The following GOLGA8H variants were observed in gnomAD, a reference collection of about 807,000 sequenced individuals.
GOLGA8H encodes golgin subfamily A member 8H.
In GOLGA8H, 47 loss-of-function variants were observed where a neutral mutation model predicts 82.7. The ratio of observed to expected loss-of-function variants is 0.57; its 90% CI spans 0.45 to 0.73. The LOEUF (loss-of-function observed/expected upper bound fraction) is 0.73, where lower values mean the gene tolerates loss of function less well. Ranked by LOEUF, GOLGA8H falls within the 30% of genes least tolerant of loss-of-function variation. The probability of loss-of-function intolerance (pLI) is 0.00; values close to 1 mark genes in which losing one functional copy is unlikely to be tolerated. For missense variants in GOLGA8H, 372 were observed against 661.0 expected, an observed-to-expected ratio of 0.56 and a Z score of 4.79; for synonymous variants, 108 against 241.6, an observed-to-expected ratio of 0.45 and a Z score of 5.13.
At chr15:30,605,708 G>T in intron 1 of GOLGA8H, 135 bp from the exon 2 acceptor site, 1 of 1,465,218 alleles carries the variant, frequency 6.8e-7, no homozygotes, top group Non-Finnish European at 9.1e-7. Flanking sequence ...CTAAATGAGT[G>T]TGACAACACC....
intron 2 of GOLGA8H, among the ~76,000 whole-genome samples, chr15:30,606,372 A>G (rs1375691274): frequency 6.7e-6 from 1 of 149,724 alleles, no homozygotes; most frequent in Non-Finnish European, 1.5e-5. Context: ...AAAAAAAGGA[A>G]TTCTGGATTT....
At chr15:30,609,759 A>G (rs1310966204) in intron 8 of GOLGA8H, 47 bp from the exon 9 acceptor site, 1 of 1,562,460 alleles carries the variant, frequency 6.4e-7, no homozygotes, top group African/African-American at 1.4e-5. Flanking sequence ...ACTGTGTGGA[A>G]ATGCCCAGGC....
chr15:30,608,975 T>C (rs1326191999), intron 8 of GOLGA8H, among the ~76,000 whole-genome samples: 1 of 117,640 alleles, frequency 8.5e-6, no homozygotes, highest in East Asian at 2.0e-4. Context: ...GACGCAGAGC[T>C]TGGAGGCCAA....
At chr15:30,607,753 G>A (rs1382305802) in intron 4 of GOLGA8H, 2 of 603,764 alleles carry the variant, frequency 3.3e-6, no homozygotes, top group Non-Finnish European at 5.8e-6. Flanking sequence ...GCCAGAAGGA[G>A]GGGCCTTTCT....
intron 8 of GOLGA8H, among the ~76,000 whole-genome samples, 172 bp downstream of exon 8, chr15:30,608,928 T>G (rs2059971155): frequency 7.7e-6 from 1 of 129,810 alleles, no homozygotes; most frequent in African/African-American, 3.0e-5. Context: ...TCAGCTGCTG[T>G]GGGTGAGTTG....
In GOLGA8H at chr15:30,614,982, G is replaced by A. The variant is rs2060087613; in HGVS notation, c.*421G>A. On this transcript the variant is annotated 3_prime_UTR_variant, in exon 19 of 19. Coordinates refer to ENST00000566740, the MANE Select transcript of GOLGA8H (RefSeq NM_001282490.2). ...AGACAAAATTTGCCTATGTTCTGCTGTTGTTTGATCTAATCTTAATCACAG... is the reference window on the plus strand; with the variant it reads ...AGACAAAATTTGCCTATGTTCTGCTATTGTTTGATCTAATCTTAATCACAG... Among the ~76,000 whole-genome samples, 3 of 151,902 alleles carry A rather than the reference G, an allele frequency of 2.0e-5. No homozygotes were observed. Among genetic ancestry groups the A allele is most frequent in the Admixed American group, 2.0e-4 (3 of 15,222 alleles).
chr15:30,608,678 A>G lies in GOLGA8H; in HGVS notation c.513A>G (p.Gln171=), dbSNP rs762037195. 5.3e-6 allele frequency: 8 copies of G among 1,517,210 alleles called. No homozygotes were observed. Among genetic ancestry groups the G allele is most frequent in the Non-Finnish European group, 6.3e-6 (7 of 1,108,888 alleles). 94.0% of individuals were successfully genotyped at this position (1,517,210 alleles called of 1,614,324 possible). A position where few individuals can be genotyped will look rare whatever the true frequency, so the allele number is the denominator to read the frequency against. The change falls in exon 8 of 19, where the codon CAA becomes CAG. Residue 171 remains glutamine, a synonymous_variant. Transcript: ENST00000566740. ...EKSKDLAVCL[Q]HSLQRKGELE... is the part of the protein sequence containing the mutation. The stretch of plus-strand genomic sequence containing the variant: ...CCAAGGATCTGGCTGTCTGCCTGCA[A>G]CATTCATTGCAGCGTAAAGGAGAGT...
chr15:30,606,221 G>A (rs1214909187), intron 2 of GOLGA8H, among the ~76,000 whole-genome samples: 1 of 151,436 alleles, frequency 6.6e-6, no homozygotes, highest in Non-Finnish European at 1.5e-5. Flanking sequence ...CAAGCGTGGT[G>A]GCGTGTGCCT....
Position 30,617,429 on chromosome 15 carries a change from TATTTTAA to T in GOLGA8H, c.*2870_*2876del, listed in dbSNP as rs1447581653. 1 of 150,882 alleles carries T rather than the reference TATTTTAA, an allele frequency of 6.6e-6. No individual in the cohort carries two copies. Among genetic ancestry groups the T allele is most frequent in the African/African-American group, 2.4e-5 (1 of 40,952 alleles). The allele number at this position is 150,882 out of a possible 1,614,324, so 9.3% of individuals were successfully genotyped here. A position where few individuals can be genotyped will look rare whatever the true frequency, so the allele number is the denominator to read the frequency against. On this transcript the variant is annotated 3_prime_UTR_variant, in exon 19 of 19. Transcript: ENST00000566740. ...CCATAATATAGTTTCTCTAAAACTT[TATTTTAA>T]AGAGTCATTTTAAAATAATATAACT...
rs989733924 is a variant in GOLGA8H, at chr15:30,609,829, T to C, written c.615T>C (p.Arg205=). The C allele has an allele frequency of 6.3e-6, 10 of 1,590,834 alleles. No individual in the cohort carries two copies. The highest frequency in any genetic ancestry group is 8.6e-6 in the Non-Finnish European group (10 of 1,165,206). Residue 205 remains arginine (R), a synonymous_variant, in exon 9 of 19, where the codon CGT becomes CGC. Coordinates refer to ENST00000566740, the MANE Select transcript of GOLGA8H (RefSeq NM_001282490.2). ...ANQLSSRSKA[R]TEWKLEQSMR... is the part of the protein sequence containing the mutation. ...AGTTGTCCAGCCGCAGCAAAGCACG[T>C]ACGGAGTGGAAGTTAGAGCAGTCCA...
chr15:30,610,040 G>A lies in GOLGA8H; in HGVS notation c.720G>A (p.Glu240=), dbSNP rs771572730. Residue 240 remains glutamate (E), a synonymous_variant, in exon 10 of 19, where the codon GAG becomes GAA. Transcript: ENST00000566740. ...AACAAGTCCAATTAGAAAGAGATGA[G>A]TGTGCTGAACATCTAAAAGGAGAGA... ...SFQQVQLERD[E]CAEHLKGERA... 2.4e-5 allele frequency: 38 copies of A among 1,611,612 alleles called. 3 individuals carry two copies. In the East Asian group the frequency reaches 8.0e-4, roughly 34 times the overall value.
rs2059998048 is a variant in GOLGA8H, at chr15:30,610,283, C to T, written c.787-19C>T. ...CCAGCCCCTCTCTCCAAGGCCCTTTCCCCTTGTGCTTTGGGCAGATTTGCA... is the reference window on the plus strand; with the variant it reads ...CCAGCCCCTCTCTCCAAGGCCCTTTTCCCTTGTGCTTTGGGCAGATTTGCA... On this transcript the variant is annotated intron_variant, in intron 10 of 18. Coordinates refer to ENST00000566740, the MANE Select transcript of GOLGA8H (RefSeq NM_001282490.2). The T allele has an allele frequency of 5.2e-6, 5 of 963,708 alleles. No individual in the cohort carries two copies. The highest frequency in any genetic ancestry group is 2.1e-5 in the Admixed American group (1 of 48,766). 59.7% of individuals were successfully genotyped at this position (963,708 alleles called of 1,614,324 possible).
Position 30,616,209 on chromosome 15 carries a change from G to C in GOLGA8H, c.*1648G>C, listed in dbSNP as rs2060104000. Among the ~76,000 whole-genome samples, 1 of 151,092 alleles carries C rather than the reference G, an allele frequency of 6.6e-6. No individual in the cohort carries two copies. Among genetic ancestry groups the C allele is most frequent in the Non-Finnish European group, 1.5e-5 (1 of 67,820 alleles). ...GACTCAACAGTTCAAACTTCATGAA[G>C]TTCTAATGTCTGTGTTCCAAAACAC... On this transcript the variant is annotated 3_prime_UTR_variant, in exon 19 of 19. Coordinates refer to ENST00000566740, the MANE Select transcript of GOLGA8H (RefSeq NM_001282490.2).
rs571583104 is a variant in GOLGA8H at position 30,611,521 on chromosome 15, G to C, written c.1200+175G>C. Reference sequence around the variant, plus strand: ...TGCTTCCTGCCTCTGACTTTTAAAGGTGGGTAGCCCTGGGCTCCTCTCAGG... The same window carrying C: ...TGCTTCCTGCCTCTGACTTTTAAAGCTGGGTAGCCCTGGGCTCCTCTCAGG... On this transcript the variant is annotated intron_variant, in intron 13 of 18. Transcript: ENST00000566740. Among the ~76,000 whole-genome samples, 76 of 151,486 alleles carry C rather than the reference G, an allele frequency of 5.0e-4. 3 individuals are homozygous for C. Among genetic ancestry groups the C allele is most frequent in the African/African-American group, 1.8e-3 (75 of 41,096 alleles).
intron 8 of GOLGA8H, 76 bp from the exon 9 acceptor site, chr15:30,609,730 C>A: frequency 6.3e-6 from 10 of 1,585,714 alleles, no homozygotes; most frequent in Non-Finnish European, 8.6e-6. Flanking sequence ...TGGGCCTAGC[C>A]CTAGTCCTTT....
In GOLGA8H at chr15:30,605,896, G is replaced by A. The variant is rs1002544184; in HGVS notation, c.102G>A (p.Arg34=). 2 of 1,588,546 alleles carry A rather than the reference G, an allele frequency of 1.3e-6. No individual in the cohort carries two copies. Among genetic ancestry groups the A allele is most frequent in the Non-Finnish European group, 1.7e-6 (2 of 1,173,444 alleles). ...NSPRVPAGAN[R]NRKTNGSVPE... is the part of the protein sequence containing the mutation. ...CTAGAGTTCCAGCAGGAGCGAACAGGAACAGGAAAACAAATGGCAGTGTCC... is the reference window on the plus strand; with the variant it reads ...CTAGAGTTCCAGCAGGAGCGAACAGAAACAGGAAAACAAATGGCAGTGTCC... The change falls in exon 2 of 19, where the codon AGG becomes AGA. Residue 34 remains arginine (R), a synonymous_variant. Transcript: ENST00000566740.
chr15:30,606,142 C>G (rs1427508609), intron 2 of GOLGA8H, among the ~76,000 whole-genome samples, 180 bp downstream of exon 2: 1 of 151,646 alleles, frequency 6.6e-6, no homozygotes, highest in East Asian at 1.9e-4. Context: ...ATCATGAGGT[C>G]AGGCGATCGA....
At chr15:30,607,974 T>C in intron 4 of GOLGA8H, 56 bp from the exon 5 acceptor site, 8 of 1,595,950 alleles carry the variant, frequency 5.0e-6, no homozygotes, top group Non-Finnish European at 5.9e-6. Flanking sequence ...CTTCCTGGTC[T>C]GGGGAATAGA....
At position 30,615,963 on chromosome 15, in the gene GOLGA8H, CT is replaced by C. The variant is rs2060100455; in HGVS notation, c.*1403del. ...TGTGTACAAACTGCAGTGCAATCTA[CT>C]GTTCGTGAATGTCAATGTATTATCA... On this transcript the variant is annotated 3_prime_UTR_variant, in exon 19 of 19. Transcript: ENST00000566740. 6.6e-6 allele frequency among the ~76,000 whole-genome samples: 1 copy of C among 151,450 alleles called. No individual in the cohort carries two copies. Among genetic ancestry groups the C allele is most frequent in the South Asian group, 2.1e-4 (1 of 4,810 alleles).
Sources: allele counts gnomAD v4.1 joint callset (sites outside exome capture counted in the v4.1 genomes callset), GRCh38; gene constraint gnomAD v4.1.1; transcripts MANE v1.5; gene names NCBI Gene and HGNC (gene_info 2026-07-23, HGNC 2026-07-21).